The following KPNA6 variants were observed in gnomAD, a reference collection of about 807,000 sequenced individuals.
KPNA6 encodes importin subunit alpha-7.
In KPNA6, 9 loss-of-function variants were observed where a neutral mutation model predicts 72.0. The ratio of observed to expected loss-of-function variants is 0.13; its 90% CI spans 0.08 to 0.22. KPNA6 has a LOEUF of 0.22. KPNA6 is among the 10% of genes least tolerant of loss of function. The pLI is 1.00. For synonymous variants in KPNA6, 219 were observed against 242.1 expected (o/e 0.90, Z 0.89); for missense variants, 374 against 655.7 (o/e 0.57, Z 4.69).
chr1:32,169,175 C>G (rs1042299249), intron 12 of KPNA6, among the ~76,000 whole-genome samples: 1 of 151,806 alleles, frequency 6.6e-6, no homozygotes, highest in Non-Finnish European at 1.5e-5. Flanking sequence ...TGAGACCAGC[C>G]TGGACAACAT....
At chr1:32,151,938 AGT>A in intron 1 of KPNA6, among the ~76,000 whole-genome samples, 1 of 152,396 alleles carries the variant, frequency 6.6e-6, no homozygotes, top group East Asian at 1.9e-4. Flanking sequence ...CTAATGAAAT[AGT>A]ATTAAAATAC....
At chr1:32,133,337 T>A (rs1641674171) in intron 1 of KPNA6, among the ~76,000 whole-genome samples, 1 of 150,842 alleles carries the variant, frequency 6.6e-6, no homozygotes, top group Non-Finnish European at 1.5e-5. Flanking sequence ...GAGCAAGACC[T>A]TGTCTTAAAA....
At chr1:32,169,520 C>T (rs1050113315) in intron 12 of KPNA6, among the ~76,000 whole-genome samples, 2 of 150,496 alleles carry the variant, frequency 1.3e-5, no homozygotes, top group Non-Finnish European at 3.0e-5. Context: ...AATCTCGGCT[C>T]ACTGCAAGCT....
Position 32,170,974 on chromosome 1 carries a change from G to T in KPNA6, c.*80G>T, listed in dbSNP as rs1642425376. The T allele has an allele frequency of 3.8e-5, 49 of 1,298,034 alleles. No homozygotes were observed. Among genetic ancestry groups the T allele is most frequent in the Non-Finnish European group, 5.2e-5 (47 of 909,468 alleles). 80.4% of individuals were successfully genotyped at this position (1,298,034 alleles called of 1,614,324 possible). ...CAGCCCTCTGGTGGGCGGGAAACCA[G>T]TGTCCCCACCATCAGCCACCACACA... On this transcript the variant is annotated 3_prime_UTR_variant, in exon 14 of 14. Transcript: ENST00000373625.
rs1642491702 is a variant in KPNA6 at position 32,174,377 on chromosome 1, T to C, written c.*3483T>C. The C allele has an allele frequency of 6.6e-6, 1 of 152,238 alleles. No homozygotes were observed. Among genetic ancestry groups the C allele is most frequent in the African/African-American group, 2.4e-5 (1 of 41,452 alleles). 9.4% of individuals were successfully genotyped at this position (152,238 alleles called of 1,614,324 possible). A position where few individuals can be genotyped will look rare whatever the true frequency, so the allele number is the denominator to read the frequency against. On this transcript the variant is annotated 3_prime_UTR_variant, in exon 14 of 14. Coordinates refer to ENST00000373625, the MANE Select transcript of KPNA6 (RefSeq NM_012316.5). ...GTTCTCAGGCACAGACTTTCTATTT[T>C]TCTCAAGCCAAACCAGTTTAAAATG... is the stretch of plus-strand genomic sequence containing the variant.
intron 10 of KPNA6, among the ~76,000 whole-genome samples, chr1:32,164,384 G>A (rs1642293791): frequency 6.6e-6 from 1 of 152,094 alleles, no homozygotes; most frequent in African/African-American, 2.4e-5. Flanking sequence ...CAAGTCCCCG[G>A]TATATACCCA....
chr1:32,140,122 C>T (rs1203261748), intron 1 of KPNA6, among the ~76,000 whole-genome samples: 5 of 152,176 alleles, frequency 3.3e-5, no homozygotes. Flanking sequence ...GCCTGGCTCA[C>T]GCCTGTAATC....
rs759901192 is a variant in KPNA6 at position 32,154,591 on chromosome 1, C to A, written c.8C>A (p.Thr3Asn). ME[T>N]MASPGKDNYR... The stretch of plus-strand genomic sequence containing the variant: ...CAGTGTGTATCTTTTCTTCTAGAGA[C>A]CATGGCGAGCCCAGGGAAAGACAAT... Residue 3 changes from threonine to asparagine, a missense_variant, in exon 2 of 14, where the codon ACC becomes AAC. Physicochemically the swap from Thr to Asn is moderately conservative, Grantham distance 65 (BLOSUM62 0). This residue lies in a region of KPNA6 where 298 missense variants were observed against 495.4 expected (regional missense o/e 0.60). Transcript: ENST00000373625. The A allele has an allele frequency of 1.9e-6, 3 of 1,612,802 alleles. No homozygotes were observed. Among genetic ancestry groups the A allele is most frequent in the Non-Finnish European group, 2.5e-6 (3 of 1,179,488 alleles).
intron 1 of KPNA6, among the ~76,000 whole-genome samples, chr1:32,115,085 C>G (rs552951933): frequency 1.3e-5 from 2 of 152,008 alleles, no homozygotes; most frequent in Non-Finnish European, 2.9e-5. Flanking sequence ...AGTGATCCGC[C>G]CACCTCAGCC....
chr1:32,131,197 G>A (rs1031199007), intron 1 of KPNA6, among the ~76,000 whole-genome samples: 2 of 152,224 alleles, frequency 1.3e-5, no homozygotes, highest in Non-Finnish European at 2.9e-5. Flanking sequence ...GGGAGGCCGA[G>A]GCAGGAGAAT....
chr1:32,119,188 G>T (rs1003500330), intron 1 of KPNA6, among the ~76,000 whole-genome samples: 1 of 150,714 alleles, frequency 6.6e-6, no homozygotes, highest in Non-Finnish European at 1.5e-5. Flanking sequence ...CCACAACCAC[G>T]CCTGGCTAAT....
chr1:32,168,884 A>C (rs1642384980), intron 12 of KPNA6, among the ~76,000 whole-genome samples: 1 of 152,126 alleles, frequency 6.6e-6, no homozygotes, highest in Admixed American at 6.6e-5. Context: ...CGAATTAGGG[A>C]GCCTGTGAAA....
At chr1:32,160,911 C>T (rs996533940) in intron 7 of KPNA6, among the ~76,000 whole-genome samples, 1 of 152,214 alleles carries the variant, frequency 6.6e-6, no homozygotes, top group East Asian at 1.9e-4. Context: ...AATCCCAGCA[C>T]TTTGGTAGGC....
intron 10 of KPNA6, 66 bp from the exon 11 acceptor site, chr1:32,166,039 A>AAC (rs1557485290): frequency 8.1e-5 from 123 of 1,522,374 alleles, no homozygotes; most frequent in Non-Finnish European, 9.1e-5. Flanking sequence ...ACAACAACAA[A>AAC]AAAACATAAA....
chr1:32,127,550 T>TA (rs1258647626), intron 1 of KPNA6, among the ~76,000 whole-genome samples: 1 of 152,236 alleles, frequency 6.6e-6, no homozygotes. Context: ...AAGGAAGAGC[T>TA]AATCAGAGGG....
chr1:32,134,849 G>T (rs1641705038), intron 1 of KPNA6, among the ~76,000 whole-genome samples: 3 of 151,566 alleles, frequency 2.0e-5, no homozygotes, highest in African/African-American at 7.3e-5. Flanking sequence ...AGCATTGGGG[G>T]TGACAGCTAA....
chr1:32,157,641 T>A (rs957026003), intron 4 of KPNA6, among the ~76,000 whole-genome samples, 196 bp downstream of exon 4: 2 of 152,322 alleles, frequency 1.3e-5, no homozygotes, highest in East Asian at 1.9e-4. Flanking sequence ...TTCCCAGATA[T>A]CTTTGTAGCA....
intron 1 of KPNA6, among the ~76,000 whole-genome samples, chr1:32,126,000 A>AAAAAAAAAAC (rs1344906069): frequency 1.3e-5 from 2 of 149,864 alleles, no homozygotes; most frequent in African/African-American, 5.0e-5. Context: ...AAAAAAAAAA[A>AAAAAAAAAAC]ACCTGTCCTA....
rs1474312460 is a variant in KPNA6 at position 32,176,149 on chromosome 1, G to A, written c.*5255G>A. On this transcript the variant is annotated 3_prime_UTR_variant, in exon 14 of 14. Coordinates refer to ENST00000373625, the MANE Select transcript of KPNA6 (RefSeq NM_012316.5). ...CCCTCAGACTCTGGAGTTGGGTGTC[G>A]GCTTTTTTAGCCAGCTTTTGTGGGA... The A allele has an allele frequency of 2.0e-5, 3 of 151,628 alleles. No homozygotes were observed. The highest frequency in any genetic ancestry group is 1.9e-4 in the East Asian group (1 of 5,186). 9.4% of individuals were successfully genotyped at this position (151,628 alleles called of 1,614,324 possible). A position where few individuals can be genotyped will look rare whatever the true frequency, so the allele number is the denominator to read the frequency against.
Sources: allele counts gnomAD v4.1 joint callset (sites outside exome capture counted in the v4.1 genomes callset), GRCh38; gene constraint gnomAD v4.1.1; regional missense constraint gnomAD v4.1.1; transcripts MANE v1.5; gene names NCBI Gene and HGNC (gene_info 2026-07-23, HGNC 2026-07-21).